PKHD1L1: variants seen among roughly 807,000 people sequenced by gnomAD.
PKHD1L1 encodes the protein fibrocystin-L.
Under a neutral mutation model 462.9 loss-of-function variants are expected in PKHD1L1, and 434 were observed. The observed-to-expected ratio is 0.94, with a 90% CI of 0.87 to 1.02. The LOEUF (loss-of-function observed/expected upper bound fraction) is 1.02. Among genes scored for constraint, PKHD1L1 ranks in the 50% least tolerant of loss-of-function variants. The pLI is 0.00. For synonymous variants in PKHD1L1, 1,781 were observed against 1,750.0 expected, an observed-to-expected ratio of 1.02 and a Z score of -0.44; for missense variants, 5,202 against 5,096.1, an observed-to-expected ratio of 1.02 and a Z score of -0.63.
rs114582481 is a variant in PKHD1L1 at position 109,423,784 on chromosome 8, T to C, written c.2698-1301T>C. Reference sequence around the variant, plus strand: ...AGTATGTCTCTCCAATTATTTGTCCTCTTCGTGCTTTACCAGCATATTTAG... The same window carrying C: ...AGTATGTCTCTCCAATTATTTGTCCCCTTCGTGCTTTACCAGCATATTTAG... On this transcript the variant is annotated intron_variant, in intron 23 of 77. Transcript: ENST00000378402. Among the ~76,000 whole-genome samples the C allele has an allele frequency of 5.0e-3, 769 of 152,306 alleles. 9 individuals are homozygous for C. The highest frequency in any genetic ancestry group is 0.018 in the African/African-American group (741 of 41,588).
rs10709612 is a variant in PKHD1L1 at position 109,532,241 on chromosome 8, CA to C, written c.*2152del. On this transcript the variant is annotated 3_prime_UTR_variant, in exon 78 of 78. Transcript: ENST00000378402. The stretch of plus-strand genomic sequence containing the variant: ...ATTTCTAAAAATTGCTTCTTAGCCA[CA>C]CAGACTTTGTTAAAAAGTTCCTGTT... Among the ~76,000 whole-genome samples the C allele has an allele frequency of 0.13, 1,726 of 13,504 alleles. 25 individuals carry two copies. Among genetic ancestry groups the C allele is most frequent in the African/African-American group, 0.2 (1,642 of 8,092 alleles). 8.9% of individuals were successfully genotyped at this position (13,504 alleles called of 152,430 possible). A position where few individuals can be genotyped will look rare whatever the true frequency, so the allele number is the denominator to read the frequency against.
At position 109,400,268 on chromosome 8, in the gene PKHD1L1, A is replaced by T; in HGVS notation, c.1205A>T (p.Asp402Val). 1.2e-6 allele frequency: 2 copies of T among 1,613,590 alleles called. No individual in the cohort carries two copies. Among genetic ancestry groups the T allele is most frequent in the South Asian group, 2.2e-5 (2 of 91,076 alleles). The change falls in exon 13 of 78, where the codon GAT becomes GTT. Residue 402 changes from aspartate to valine, a missense_variant. Around this residue, in one of 3 missense-constraint regions of PKHD1L1, gnomAD observed 4,497 missense variants for 4,336.8 expected, o/e 1.04. Transcript: ENST00000378402. ...GGATTTTTGGTGGCTCCAGATTCTG[A>T]TGTTTATAGATTCTACATCAAGGGT... ...FSGFLVAPDS[D>V]VYRFYIKGDD... is the part of the protein sequence containing the mutation.
At position 109,461,846 on chromosome 8, in the gene PKHD1L1, G is replaced by A. The variant is rs533469873; in HGVS notation, c.7321G>A (p.Val2441Ile). Residue 2441 changes from valine to isoleucine, a missense_variant, in exon 48 of 78, where the codon GTT (valine) becomes ATT (isoleucine). Around this residue, in one of 3 missense-constraint regions of PKHD1L1, gnomAD observed 4,497 missense variants for 4,336.8 expected, o/e 1.04. Transcript: ENST00000378402. ...EIGSDQFGGC[V>I]MFHAPVPGAN... is the part of the protein sequence containing the mutation. ...AGGAAGTGACCAATTTGGAGGCTGCGTTATGTTTCATGCTCCTGTACCTGG... is the reference window on the plus strand; with the variant it reads ...AGGAAGTGACCAATTTGGAGGCTGCATTATGTTTCATGCTCCTGTACCTGG... The A allele has an allele frequency of 5.6e-6, 9 of 1,606,538 alleles. No individual in the cohort carries two copies. The highest frequency in any genetic ancestry group is 2.7e-5 in the African/African-American group (2 of 74,804).
Position 109,518,355 on chromosome 8 carries a change from A to G in PKHD1L1, c.11878A>G (p.Lys3960Glu). Reference protein sequence around the residue: ...DDFYTSHNLVKNLALFLKIPS... With the variant: ...DDFYTSHNLVENLALFLKIPS... ...CTTTTATACCTCTCACAATCTGGTT[A>G]AAAATCTTGCCTTGTTCCTAAAGAT... The change falls in exon 73 of 78, where the codon AAA becomes GAA. Residue 3960 changes from lysine (K) to glutamate (E), a missense_variant. Lys to Glu is a moderately conservative substitution (Grantham distance 56). Around this residue, in one of 3 missense-constraint regions of PKHD1L1, gnomAD observed 698 missense variants for 736.3 expected, o/e 0.95. Transcript: ENST00000378402. 6.2e-7 allele frequency: 1 copy of G among 1,613,458 alleles called. No homozygotes were observed.
intron 2 of PKHD1L1, among the ~76,000 whole-genome samples, chr8:109,374,017 G>C (rs1811666091): frequency 6.6e-6 from 1 of 152,124 alleles, no homozygotes; most frequent in African/African-American, 2.4e-5. Context: ...TGTCTATTAG[G>C]TCCGCTTGGT....
intron 33 of PKHD1L1, 94 bp from the exon 34 acceptor site, chr8:109,441,181 C>T (rs1303711872): frequency 3.0e-5 from 25 of 832,482 alleles, no homozygotes; most frequent in Non-Finnish European, 4.2e-5. Context: ...AGGGTCTTGG[C>T]TGTTGATGAA....
rs1273490803 is a variant in PKHD1L1, at chr8:109,534,812, T to A, written c.*4722T>A. Among the ~76,000 whole-genome samples, 1 of 152,118 alleles carries A rather than the reference T, an allele frequency of 6.6e-6. No homozygotes were observed. On this transcript the variant is annotated 3_prime_UTR_variant, in exon 78 of 78. Coordinates refer to ENST00000378402, the MANE Select transcript of PKHD1L1 (RefSeq NM_177531.6). ...ACTTGCAAGTCCTAATACAGTACTG[T>A]AGTTATTATAATTCCATCATTCTGA...
intron 55 of PKHD1L1, chr8:109,480,437 C>T: frequency 2.4e-6 from 1 of 412,136 alleles, no homozygotes; most frequent in Non-Finnish European, 4.6e-6. Flanking sequence ...CAGCTTGTTC[C>T]AACAAAGAGT....
At position 109,429,439 on chromosome 8, in the gene PKHD1L1, C is replaced by T. The variant is rs757015646; in HGVS notation, c.3100C>T (p.Arg1034Cys). The change falls in exon 26 of 78, where the codon CGT (arginine) becomes TGT (cysteine). Residue 1034 changes from arginine (R) to cysteine (C), a missense_variant. Coordinates refer to ENST00000378402, the MANE Select transcript of PKHD1L1 (RefSeq NM_177531.6). ...FRQHVLGDLL[R>C]TPSQQPQVEV... ...ACAACATGTACTTGGAGACCTACTT[C>T]GTACACCCAGTCAACAGCCACAGGT... 2.5e-6 allele frequency: 4 copies of T among 1,608,182 alleles called. No individual in the cohort carries two copies. Among genetic ancestry groups the T allele is most frequent in the South Asian group, 1.1e-5 (1 of 89,848 alleles).
Position 109,465,134 on chromosome 8 carries a change from G to A in PKHD1L1, c.8302G>A (p.Gly2768Arg), listed in dbSNP as rs1412805025. 3 of 1,613,790 alleles carry A rather than the reference G, an allele frequency of 1.9e-6. No individual in the cohort carries two copies. Among genetic ancestry groups the A allele is most frequent in the Admixed American group, 3.3e-5 (2 of 59,980 alleles). The change falls in exon 49 of 78, where the codon GGG (glycine) becomes AGG (arginine). Residue 2768 changes from glycine (G) to arginine (R), a missense_variant. Gly to Arg is a moderately radical substitution (Grantham distance 125). Coordinates refer to ENST00000378402, the MANE Select transcript of PKHD1L1 (RefSeq NM_177531.6). ...SISGVCNDRC[G>R]GWSAKFVDVQ... is the part of the protein sequence containing the mutation. ...CTCTGGAGTTTGTAATGACAGATGT[G>A]GGGGTTGGAGTGCAAAGTTTGTTGA...
Position 109,436,393 on chromosome 8 carries a change from A to G in PKHD1L1, c.3561A>G (p.Leu1187=). 1 of 1,613,528 alleles carries G rather than the reference A, an allele frequency of 6.2e-7. No individual in the cohort carries two copies. The highest frequency in any genetic ancestry group is 1.3e-5 in the African/African-American group (1 of 75,016). ...GFGFNENSKV[L]VGNETCNVIE... ...GCTTTAATGAAAATTCAAAGGTATT[A>G]GTTGGAAATGAAACCTGCAATGTGA... The change falls in exon 30 of 78, where the codon TTA becomes TTG. Residue 1187 remains leucine, a synonymous_variant. Coordinates refer to ENST00000378402, the MANE Select transcript of PKHD1L1 (RefSeq NM_177531.6).
rs996949149 is a variant in PKHD1L1, at chr8:109,445,890, C to T, written c.5776+245C>T. Among the ~76,000 whole-genome samples the T allele has an allele frequency of 2.6e-5, 4 of 152,166 alleles. No homozygotes were observed. In the East Asian group the frequency reaches 7.7e-4, roughly 29 times the overall value. On this transcript the variant is annotated intron_variant, in intron 38 of 77. Transcript: ENST00000378402. The stretch of plus-strand genomic sequence containing the variant: ...AGGAACAAAATTCCCATTAACCTGA[C>T]CTAAATTTCAAATGAGGAAAAAATA...
At chr8:109,486,072 G>A (rs73704035) in intron 58 of PKHD1L1, among the ~76,000 whole-genome samples, 2,257 of 151,956 alleles carry the variant, frequency 0.015, 27 homozygotes, top group Middle Eastern at 0.051. Flanking sequence ...AAAATGTAGC[G>A]TGTAATCTAG....
intron 41 of PKHD1L1, among the ~76,000 whole-genome samples, chr8:109,451,876 C>G (rs1304626498): frequency 6.6e-6 from 1 of 152,208 alleles, no homozygotes; most frequent in East Asian, 1.9e-4. Flanking sequence ...ATCACTGTTT[C>G]TTTCCCCAAC....
chr8:109,427,174 G>A lies in PKHD1L1; in HGVS notation c.3000+18G>A. 1 of 1,595,596 alleles carries A rather than the reference G, an allele frequency of 6.3e-7. No homozygotes were observed. Among genetic ancestry groups the A allele is most frequent in the Non-Finnish European group, 8.6e-7 (1 of 1,164,562 alleles). On this transcript the variant is annotated intron_variant, in intron 25 of 77. Coordinates refer to ENST00000378402, the MANE Select transcript of PKHD1L1 (RefSeq NM_177531.6). ...TTCTACAGGTTCCCTCATTTGGCTT[G>A]GCTTCTCTTTTCTTCTATGTGCTGT...
intron 24 of PKHD1L1, among the ~76,000 whole-genome samples, chr8:109,426,430 G>A (rs1814752996): frequency 6.6e-6 from 1 of 151,118 alleles, no homozygotes; most frequent in Non-Finnish European, 1.5e-5. Context: ...CACAGTATGA[G>A]GTACATTACT....
chr8:109,533,786 C>CAA lies in PKHD1L1; in HGVS notation c.*3705_*3706dup, dbSNP rs139740786. On this transcript the variant is annotated 3_prime_UTR_variant, in exon 78 of 78. Coordinates refer to ENST00000378402, the MANE Select transcript of PKHD1L1 (RefSeq NM_177531.6). ...CTAAAAATCTACAGAAAAATCTTGA[C>CAA]AAAAAAAAAATTCCAGTGGATTGAA... 3.4e-5 allele frequency among the ~76,000 whole-genome samples: 5 copies of CAA among 147,404 alleles called. No individual in the cohort carries two copies. Among genetic ancestry groups the CAA allele is most frequent in the African/African-American group, 1.2e-4 (5 of 40,126 alleles).
Position 109,496,981 on chromosome 8 carries a change from T to A in PKHD1L1, c.10390T>A (p.Tyr3464Asn), listed in dbSNP as rs1269192613. ...NEAHGGLYGIYMNQDGLPGCS... is the reference protein window; with the variant it reads ...NEAHGGLYGINMNQDGLPGCS... ...AGCCCATGGAGGTTTATATGGGATCTATATGAACCAAGATGGCCTTCCTGG... is the reference window on the plus strand; with the variant it reads ...AGCCCATGGAGGTTTATATGGGATCAATATGAACCAAGATGGCCTTCCTGG... The change falls in exon 64 of 78, where the codon TAT becomes AAT. Residue 3464 changes from tyrosine to asparagine, a missense_variant. Around this residue, in one of 3 missense-constraint regions of PKHD1L1, gnomAD observed 4,497 missense variants for 4,336.8 expected, o/e 1.04. Transcript: ENST00000378402. The A allele has an allele frequency of 6.2e-7, 1 of 1,612,932 alleles. No homozygotes were observed. The highest frequency in any genetic ancestry group is 2.2e-5 in the East Asian group (1 of 44,872).
chr8:109,470,054 A>G (rs75407792), intron 50 of PKHD1L1: 4,408 of 413,274 alleles, frequency 0.011, 161 homozygotes, highest in African/African-American at 0.083. Flanking sequence ...ATGATTTAAG[A>G]TACACTTTTT....
Sources: allele counts gnomAD v4.1 joint callset (sites outside exome capture counted in the v4.1 genomes callset), GRCh38; gene constraint gnomAD v4.1.1; regional missense constraint gnomAD v4.1.1; transcripts MANE v1.5; gene names NCBI Gene and HGNC (gene_info 2026-07-23, HGNC 2026-07-21).